Variants in WNT7A observed in about 807,000 individuals in gnomAD.
The protein encoded by WNT7A is protein Wnt-7a.
WNT7A carries 16 observed loss-of-function variants against 28.2 expected under a neutral mutation model. The ratio of observed to expected loss-of-function variants is 0.57; its 90% confidence interval spans 0.38 to 0.86. The LOEUF (loss-of-function observed/expected upper bound fraction) is 0.86, where lower values mean the gene tolerates loss of function less well. Among genes scored for constraint, WNT7A ranks in the 40% least tolerant of loss-of-function variants. The pLI is 0.00. For synonymous variants in WNT7A, 190 were observed against 195.9 expected, an observed-to-expected ratio of 0.97 and a Z score of 0.25; for missense variants, 411 against 489.7, an observed-to-expected ratio of 0.84 and a Z score of 1.52.
chr3:13,863,173 G>A (rs751463305), intron 2 of WNT7A, among the ~76,000 whole-genome samples: 9 of 152,172 alleles, frequency 5.9e-5, no homozygotes, highest in Non-Finnish European at 1.2e-4. Flanking sequence ...TACTAGATGC[G>A]TTATTGGTTA....
chr3:13,861,285 C>T (rs774839205), intron 2 of WNT7A, among the ~76,000 whole-genome samples: 6 of 152,324 alleles, frequency 3.9e-5, no homozygotes, highest in Middle Eastern at 3.4e-3. Flanking sequence ...GAAGGACCTG[C>T]CCCTCCCTCC....
intron 3 of WNT7A, among the ~76,000 whole-genome samples, chr3:13,838,158 G>GC (rs1694399930): frequency 6.6e-6 from 1 of 152,126 alleles, no homozygotes; most frequent in Non-Finnish European, 1.5e-5. Context: ...GCAGGTGGGG[G>GC]GCATGGTTGA....
intron 3 of WNT7A, among the ~76,000 whole-genome samples, chr3:13,848,705 A>G (rs181918103): frequency 6.6e-6 from 1 of 152,254 alleles, no homozygotes; most frequent in Admixed American, 6.5e-5. Context: ...AAAGCTAAAC[A>G]TACAGCCATC....
chr3:13,873,401 G>A (rs1243134445), intron 2 of WNT7A, among the ~76,000 whole-genome samples: 2 of 151,998 alleles, frequency 1.3e-5, no homozygotes, highest in East Asian at 3.9e-4. Context: ...AAACTATTGG[G>A]ATGGTATGGA....
At position 13,817,070 on chromosome 3, in the gene WNT7A, T is replaced by C. The variant is rs1013431306; in HGVS notation, c.*1874A>G. On this transcript the variant is annotated 3_prime_UTR_variant, in exon 4 of 4. Transcript: ENST00000285018. ...AGACACAGCCTAGATACTGAAGGGCTCCCAGCAGGTGGGGCCATGGGGCTG... is the reference window on the plus strand; with the variant it reads ...AGACACAGCCTAGATACTGAAGGGCCCCCAGCAGGTGGGGCCATGGGGCTG... 1 of 152,242 alleles carries C rather than the reference T, an allele frequency of 6.6e-6. No individual in the cohort carries two copies. Among genetic ancestry groups the C allele is most frequent in the Admixed American group, 6.5e-5 (1 of 15,280 alleles). The allele number at this position is 152,242 out of a possible 1,614,324, so 9.4% of individuals were successfully genotyped here.
At chr3:13,856,975 A>AGAAGGAGAAGGAGAAGGAGAAGG (rs1559303410) in intron 2 of WNT7A, among the ~76,000 whole-genome samples, 6 of 97,006 alleles carry the variant, frequency 6.2e-5, no homozygotes, top group Non-Finnish European at 1.1e-4. Context: ...GAAGGAGAAG[A>AGAAGGAGAAGGAGAAGGAGAAGG]AGAAGAAGAA....
intron 2 of WNT7A, among the ~76,000 whole-genome samples, chr3:13,870,701 G>T (rs1384428701): frequency 6.6e-6 from 1 of 152,208 alleles, no homozygotes; most frequent in Non-Finnish European, 1.5e-5. Flanking sequence ...CTAGAGAAAG[G>T]CCAATGCTCT....
chr3:13,836,441 C>A (rs1162397725), intron 3 of WNT7A, among the ~76,000 whole-genome samples: 2 of 152,228 alleles, frequency 1.3e-5, no homozygotes, highest in Non-Finnish European at 2.9e-5. Context: ...ACCCCACCCC[C>A]AGAGGTTAGG....
intron 3 of WNT7A, among the ~76,000 whole-genome samples, chr3:13,836,122 C>T (rs915108436): frequency 6.6e-6 from 1 of 151,560 alleles, no homozygotes; most frequent in Admixed American, 6.6e-5. Flanking sequence ...CTGTGAATAC[C>T]CTAAAAACCT....
Position 13,879,923 on chromosome 3 carries a change from C to T in WNT7A, c.-107G>A. On this transcript the variant is annotated 5_prime_UTR_variant, in exon 1 of 4. Coordinates refer to ENST00000285018, the MANE Select transcript of WNT7A (RefSeq NM_004625.4). Reference sequence around the variant, plus strand: ...GCCCGGGAGGCGCGAGCCGAGGCGTCCCCGGGGCCGTCTGTCGGTGCGCCC... The same window carrying T: ...GCCCGGGAGGCGCGAGCCGAGGCGTTCCCGGGGCCGTCTGTCGGTGCGCCC... 1.1e-6 allele frequency: 1 copy of T among 880,208 alleles called. No individual in the cohort carries two copies. Among genetic ancestry groups the T allele is most frequent in the Non-Finnish European group, 1.5e-6 (1 of 649,794 alleles). 54.5% of individuals were successfully genotyped at this position (880,208 alleles called of 1,614,324 possible). A position where few individuals can be genotyped will look rare whatever the true frequency, so the allele number is the denominator to read the frequency against.
intron 2 of WNT7A, among the ~76,000 whole-genome samples, chr3:13,870,587 T>C (rs964995212): frequency 6.6e-6 from 1 of 152,234 alleles, no homozygotes; most frequent in African/African-American, 2.4e-5. Context: ...AAAAGCACTG[T>C]TGCCCTTGGC....
rs1435366734 is a variant in WNT7A, at chr3:13,816,755, AC to A, written c.*2188del. 6.6e-6 allele frequency: 1 copy of A among 151,066 alleles called. No homozygotes were observed. Among genetic ancestry groups the A allele is most frequent in the Non-Finnish European group, 1.5e-5 (1 of 67,738 alleles). The allele number at this position is 151,066 out of a possible 1,614,324, so 9.4% of individuals were successfully genotyped here. Reference sequence around the variant, plus strand: ...CATCCGCTCACTTATCAATCCATCCACCCATCTGTTTATCCCTTCATCCATC... The same window carrying A: ...CATCCGCTCACTTATCAATCCATCCACCATCTGTTTATCCCTTCATCCATC... On this transcript the variant is annotated 3_prime_UTR_variant, in exon 4 of 4. Transcript: ENST00000285018.
intron 3 of WNT7A, among the ~76,000 whole-genome samples, chr3:13,847,639 T>C (rs993792349): frequency 5.9e-5 from 9 of 152,192 alleles, no homozygotes; most frequent in African/African-American, 1.9e-4. Flanking sequence ...TTACACCTCA[T>C]AGAAAAGTTA....
intron 3 of WNT7A, among the ~76,000 whole-genome samples, chr3:13,832,026 A>G (rs530991251): frequency 6.6e-6 from 1 of 152,096 alleles, no homozygotes; most frequent in East Asian, 1.9e-4. Flanking sequence ...CCACACCAGG[A>G]TAGGTGCTAC....
chr3:13,847,178 G>T (rs1200428580), intron 3 of WNT7A, among the ~76,000 whole-genome samples: 2 of 152,204 alleles, frequency 1.3e-5, no homozygotes, highest in African/African-American at 4.8e-5. Flanking sequence ...GCCTGGGCTG[G>T]TCCCCCTCCA....
In WNT7A at chr3:13,856,871, GGAAGAAGAGGAAGAAGAAGAAAAAGAA is replaced by G. The variant is rs1192133193; in HGVS notation, c.299-2095_299-2069del. The stretch of plus-strand genomic sequence containing the variant: ...AAGAGGAAGAAGAGGAAGAGGAAGA[GGAAGAAGAGGAAGAAGAAGAAAAAGAA>G]GAAGAAGAAGAAGAAGAAGAAGAAG... On this transcript the variant is annotated intron_variant, in intron 2 of 3. Transcript: ENST00000285018. Among the ~76,000 whole-genome samples the G allele has an allele frequency of 1.0e-3, 82 of 78,558 alleles. 1 individual carries two copies. The highest frequency in any genetic ancestry group is 8.8e-3 in the Middle Eastern group (1 of 114). The allele number at this position is 78,558 out of a possible 152,430, so 51.5% of individuals were successfully genotyped here. A position where few individuals can be genotyped will look rare whatever the true frequency, so the allele number is the denominator to read the frequency against.
At chr3:13,833,449 G>A (rs1376587031) in intron 3 of WNT7A, among the ~76,000 whole-genome samples, 1 of 152,204 alleles carries the variant, frequency 6.6e-6, no homozygotes, top group Admixed American at 6.5e-5. Context: ...CACTGGCATG[G>A]GGGGCCTGGG....
At chr3:13,850,277 C>G (rs760097722) in intron 3 of WNT7A, among the ~76,000 whole-genome samples, 14 of 152,186 alleles carry the variant, frequency 9.2e-5, no homozygotes, top group Non-Finnish European at 1.8e-4. Flanking sequence ...TCTATCTGGT[C>G]AAATATGCAA....
intron 2 of WNT7A, among the ~76,000 whole-genome samples, chr3:13,873,607 G>A (rs142203325): frequency 2.5e-3 from 383 of 152,290 alleles, no homozygotes; most frequent in African/African-American, 8.6e-3. Context: ...GGAAGAAAGC[G>A]TTCAGTGGTA....
Sources: gnomAD v4.1 joint callset for allele counts (sites outside exome capture counted in the v4.1 genomes callset) on GRCh38, gnomAD v4.1.1 for gene constraint, MANE v1.5 for transcripts, NCBI Gene and HGNC (gene_info 2026-07-23, HGNC 2026-07-21) for gene names.